MAP4: variants seen among roughly 807,000 people sequenced by gnomAD.
MAP4 encodes microtubule associated protein 4.
A neutral mutation model predicts 170.2 loss-of-function variants in MAP4; 76 were observed. The ratio of observed to expected loss-of-function variants is 0.45; its 90% CI spans 0.37 to 0.54. The LOEUF is 0.54. Ranked by LOEUF, MAP4 falls within the 20% of genes least tolerant of loss-of-function variation. MAP4 has a pLI of 0.00. For missense variants in MAP4, 2,506 were observed against 2,748.0 expected, an observed-to-expected ratio of 0.91 and a Z score of 1.97; for synonymous variants, 909 against 994.5, an observed-to-expected ratio of 0.91 and a Z score of 1.62.
At chr3:47,973,637 A>G (rs1457345465) in intron 3 of MAP4, 2 of 985,308 alleles carry the variant, frequency 2.0e-6, no homozygotes, top group African/African-American at 3.5e-5. Context: ...ATAAATGTCA[A>G]TCATGAAGTG....
At chr3:48,086,138 G>T (rs115731016) in intron 1 of MAP4, among the ~76,000 whole-genome samples, 1 of 151,034 alleles carries the variant, frequency 6.6e-6, no homozygotes, top group African/African-American at 2.4e-5. Flanking sequence ...GTGTGTGCAC[G>T]TATATACACA....
At chr3:47,919,195 T>A (rs1024672692) in intron 5 of MAP4, among the ~76,000 whole-genome samples, 5 of 152,096 alleles carry the variant, frequency 3.3e-5, no homozygotes, top group Non-Finnish European at 7.4e-5. Context: ...CCTCCCAAAG[T>A]GCTGGGATTA....
At chr3:48,073,525 C>T (rs1321630295) in intron 1 of MAP4, among the ~76,000 whole-genome samples, 1 of 151,526 alleles carries the variant, frequency 6.6e-6, no homozygotes, top group African/African-American at 2.4e-5. Context: ...GCAGGAGAAT[C>T]GCTTGAACCC....
At chr3:48,021,353 GTTT>G (rs532414824), upstream of MAP4, among the ~76,000 whole-genome samples, 1 of 142,348 alleles carries the variant, frequency 7.0e-6, no homozygotes, top group East Asian at 2.0e-4. Context: ...GTTTGTTTTT[GTTT>G]TTTTTTTTAG....
intron 1 of MAP4, among the ~76,000 whole-genome samples, chr3:48,011,846 AGT>A (rs2100105441): frequency 6.6e-6 from 1 of 152,176 alleles, no homozygotes; most frequent in African/African-American, 2.4e-5. Flanking sequence ...TATTATTAGT[AGT>A]TATCCTTTGG....
At chr3:47,898,635 A>G (rs2100028331) in intron 10 of MAP4, among the ~76,000 whole-genome samples, 4 of 152,188 alleles carry the variant, frequency 2.6e-5, no homozygotes, top group Non-Finnish European at 1.5e-5. Flanking sequence ...GGGAAACCCT[A>G]GTATAGAATA....
At chr3:47,901,305 G>T (rs1233391391) in intron 10 of MAP4, among the ~76,000 whole-genome samples, 1 of 152,120 alleles carries the variant, frequency 6.6e-6, no homozygotes, top group African/African-American at 2.4e-5. Context: ...TGTTTTATTA[G>T]TCTATTTTTA....
intron 1 of MAP4, among the ~76,000 whole-genome samples, chr3:48,000,221 CAA>C (rs530513032): frequency 6.6e-4 from 53 of 79,892 alleles, no homozygotes; most frequent in Non-Finnish European, 8.0e-4. Flanking sequence ...ACTCCCCCAT[CAA>C]AAAAAAAAAA....
intron 10 of MAP4, among the ~76,000 whole-genome samples, chr3:47,896,620 G>GTAA (rs1005131218): frequency 4.1e-4 from 62 of 152,214 alleles, no homozygotes; most frequent in African/African-American, 1.4e-3. Context: ...CTGATGTGTA[G>GTAA]TAATAATAAC....
intron 3 of MAP4, 79 bp downstream of exon 3, chr3:47,977,786 T>C (rs1016768934): frequency 2.1e-6 from 2 of 934,364 alleles, no homozygotes; most frequent in South Asian, 3.0e-5. Flanking sequence ...CCATTAATAA[T>C]GCTCTTCAAA....
chr3:47,977,941 A>C lies in MAP4; in HGVS notation c.224-8T>G. 6.3e-7 allele frequency: 1 copy of C among 1,586,308 alleles called. No homozygotes were observed. The highest frequency in any genetic ancestry group is 1.1e-5 in the South Asian group (1 of 90,220). Reference sequence around the variant, plus strand: ...GTTTAGAAGATGGAGTATCTGCAACAATGACAAATAATTACCCATTGTGAC... The same window carrying C: ...GTTTAGAAGATGGAGTATCTGCAACCATGACAAATAATTACCCATTGTGAC... On this transcript the variant is annotated splice_polypyrimidine_tract_variant and splice_region_variant and intron_variant, in intron 2 of 20. Transcript: ENST00000683076.
At position 47,911,132 on chromosome 3, in the gene MAP4, C is replaced by A; in HGVS notation, c.3289G>T (p.Val1097Phe). The A allele has an allele frequency of 2.0e-6, 3 of 1,536,142 alleles. No homozygotes were observed. Among genetic ancestry groups the A allele is most frequent in the Non-Finnish European group, 2.6e-6 (3 of 1,146,912 alleles). Residue 1097 changes from valine to phenylalanine, a missense_variant, in exon 9 of 21, where the codon GTT becomes TTT. This residue lies in a region of MAP4 where 2,008 missense variants were observed against 2,206.0 expected (regional missense o/e 0.91). Coordinates refer to ENST00000683076, the MANE Select transcript of MAP4 (RefSeq NM_001385682.1). This position sits in a 1 kb window ranked among gnomAD's most constrained non-coding sequence, Gnocchi z 4.0. ...LLDSQKDGRA[V>F]LIPSEPVSKT... ...GAGACTGGCTCACTCGGTATGAGAACAGCCCTTCCGTCCTTCTGGCTGTCC... is the reference window on the plus strand; with the variant it reads ...GAGACTGGCTCACTCGGTATGAGAAAAGCCCTTCCGTCCTTCTGGCTGTCC...
rs757302639 is a variant in MAP4 at position 47,916,026 on chromosome 3, T to C, written c.1801A>G (p.Ile601Val). Residue 601 changes from isoleucine to valine, a missense_variant, in exon 7 of 21, where the codon ATA becomes GTA. By Grantham distance (29) the Ile-to-Val change is conservative (BLOSUM62 3). Around this residue, in one of 3 missense-constraint regions of MAP4, gnomAD observed 2,008 missense variants for 2,206.0 expected, o/e 0.91. Coordinates refer to ENST00000683076, the MANE Select transcript of MAP4 (RefSeq NM_001385682.1). ...DMEIAQTQKGISEDSHLESLQ... is the reference protein window; with the variant it reads ...DMEIAQTQKGVSEDSHLESLQ... The stretch of plus-strand genomic sequence containing the variant: ...GATTCTAAATGGGAATCCTCACTTA[T>C]TCCTTTTTGTGTTTGTGCAATTTCC... 123 of 1,614,234 alleles carry C rather than the reference T, an allele frequency of 7.6e-5. 2 individuals are homozygous for C. The South Asian group carries it at 8.8e-4, about 12-fold the overall frequency.
intron 10 of MAP4, chr3:47,891,611 T>G: frequency 6.5e-7 from 1 of 1,536,048 alleles, no homozygotes; most frequent in African/African-American, 1.4e-5. Flanking sequence ...CACTGCCTTT[T>G]TCTGCTGGGG....
chr3:47,892,664 T>C (rs2100024643), intron 10 of MAP4: 1 of 1,358,968 alleles, frequency 7.4e-7, no homozygotes, highest in Non-Finnish European at 9.4e-7. Context: ...CACTTACAAA[T>C]GTGAAAGAAA....
intron 8 of MAP4, among the ~76,000 whole-genome samples, chr3:47,913,117 T>G (rs991556331): frequency 2.0e-5 from 3 of 152,186 alleles, no homozygotes; most frequent in Non-Finnish European, 4.4e-5. Flanking sequence ...GAAATATATA[T>G]AATGTTAAGT....
chr3:48,084,436 C>T (rs2154571917), intron 1 of MAP4, among the ~76,000 whole-genome samples: 1 of 150,636 alleles, frequency 6.6e-6, no homozygotes, highest in South Asian at 2.1e-4. Flanking sequence ...ATTGTGTTGA[C>T]TTTCAACCTT....
chr3:47,922,020 T>A, intron 4 of MAP4, 142 bp from the exon 5 acceptor site: 1 of 557,148 alleles, frequency 1.8e-6, no homozygotes, highest in Non-Finnish European at 3.2e-6. Context: ...CCATCTTGGT[T>A]CACTGCAACC....
chr3:47,897,661 G>T (rs971939643), intron 10 of MAP4, among the ~76,000 whole-genome samples: 2 of 152,000 alleles, frequency 1.3e-5, no homozygotes, highest in Non-Finnish European at 2.9e-5. Flanking sequence ...GTTTGAGGCC[G>T]GGAGTAGTGG....
Sources: gnomAD v4.1 joint callset for allele counts (sites outside exome capture counted in the v4.1 genomes callset) on GRCh38, gnomAD v4.1.1 for gene constraint, gnomAD v4.1.1 regional missense constraint, Gnocchi (gnomAD v3.1) non-coding constraint, MANE v1.5 for transcripts, NCBI Gene and HGNC (gene_info 2026-07-23, HGNC 2026-07-21) for gene names.